Variants in DOCK5 observed in about 807,000 individuals in gnomAD.
DOCK5 encodes the protein dedicator of cytokinesis 5.
In DOCK5, 142 loss-of-function variants were observed where a neutral mutation model predicts 251.8. The observed-to-expected ratio is 0.56, with a 90% CI of 0.49 to 0.65. The LOEUF (loss-of-function observed/expected upper bound fraction) is 0.65. DOCK5 is among the 30% of genes least tolerant of loss of function. The pLI is 0.00. For synonymous variants in DOCK5, 842 were observed against 835.5 expected (o/e 1.01, Z -0.13); for missense variants, 2,111 against 2,312.3 (o/e 0.91, Z 1.79).
intron 1 of DOCK5, among the ~76,000 whole-genome samples, chr8:25,226,272 T>G (rs1802527700): frequency 7.1e-6 from 1 of 140,814 alleles, no homozygotes; most frequent in Non-Finnish European, 1.5e-5. Flanking sequence ...TTTTTTTTTT[T>G]TTTTTTTTGG....
At chr8:25,388,868 G>A in intron 40 of DOCK5, 2 of 525,828 alleles carry the variant, frequency 3.8e-6, no homozygotes, top group Non-Finnish European at 6.9e-6. Context: ...AAGAAGAACT[G>A]GGCTAAGTAT....
intron 18 of DOCK5, among the ~76,000 whole-genome samples, chr8:25,331,149 T>C (rs1032172247): frequency 1.3e-5 from 2 of 151,478 alleles, no homozygotes; most frequent in African/African-American, 4.9e-5. Context: ...TACTAGATAG[T>C]GCTCTGAATA....
chr8:25,305,324 T>C (rs1253858905), intron 11 of DOCK5: 3 of 151,654 alleles, frequency 2.0e-5, no homozygotes, highest in African/African-American at 7.3e-5. Flanking sequence ...TGGAGAAAGT[T>C]AGCTAGCCAT....
intron 1 of DOCK5, among the ~76,000 whole-genome samples, chr8:25,193,137 G>A (rs1416092717): frequency 3.3e-5 from 5 of 152,154 alleles, no homozygotes; most frequent in Admixed American, 2.6e-4. Flanking sequence ...TGAACACTGA[G>A]TTAGTGAATA....
chr8:25,357,651 T>C (rs1800601929), intron 27 of DOCK5, among the ~76,000 whole-genome samples: 1 of 152,152 alleles, frequency 6.6e-6, no homozygotes, highest in South Asian at 2.1e-4. Flanking sequence ...GTGCTGGGAT[T>C]ACAGGTGTGA....
At chr8:25,334,400 A>G (rs1346875990) in intron 21 of DOCK5, among the ~76,000 whole-genome samples, 1 of 152,226 alleles carries the variant, frequency 6.6e-6, no homozygotes, top group Non-Finnish European at 1.5e-5. Context: ...CAGGGCCTTC[A>G]TTCTGGATCA....
Position 25,362,962 on chromosome 8 carries a change from G to A in DOCK5, c.2950-85G>A, listed in dbSNP as rs1800713018. On this transcript the variant is annotated intron_variant, in intron 28 of 51. Transcript: ENST00000276440. Reference sequence around the variant, plus strand: ...GGGGCTAGGAACATCCTGTTCTGAGGTTGTGGTTCTGCTTGTATACACGCC... The same window carrying A: ...GGGGCTAGGAACATCCTGTTCTGAGATTGTGGTTCTGCTTGTATACACGCC... The A allele has an allele frequency of 6.3e-5, 61 of 970,108 alleles. No homozygotes were observed. In the South Asian group the frequency reaches 8.2e-4, roughly 13 times the overall value. 60.1% of individuals were successfully genotyped at this position (970,108 alleles called of 1,614,324 possible).
chr8:25,198,812 AC>A, intron 1 of DOCK5, among the ~76,000 whole-genome samples: 1 of 152,288 alleles, frequency 6.6e-6, no homozygotes, highest in Admixed American at 6.5e-5. Context: ...CTCCTTACTT[AC>A]AACTCTGGAG....
chr8:25,281,818 G>A (rs1454224260), intron 5 of DOCK5, among the ~76,000 whole-genome samples: 1 of 149,260 alleles, frequency 6.7e-6, no homozygotes, highest in Non-Finnish European at 1.5e-5. Context: ...GGCGGAGGTT[G>A]CAGTGAGCCA....
intron 27 of DOCK5, among the ~76,000 whole-genome samples, chr8:25,354,528 C>G (rs1346014293): frequency 6.6e-6 from 1 of 152,126 alleles, no homozygotes; most frequent in Non-Finnish European, 1.5e-5. Flanking sequence ...AGCAGTACTC[C>G]CGCCGTGCTT....
intron 40 of DOCK5, among the ~76,000 whole-genome samples, chr8:25,387,791 C>T (rs1429342587): frequency 2.6e-5 from 4 of 152,180 alleles, no homozygotes; most frequent in South Asian, 2.1e-4. Flanking sequence ...CTTCTCTTTA[C>T]GCTTCCTTAT....
In DOCK5 at chr8:25,392,766, A is replaced by G. The variant is rs751542366; in HGVS notation, c.4441-30A>G. ...CATGTTTTCCTCCTGGGAATTGACC[A>G]ACATTTCATGTTTTCCTTCTTGCCA... On this transcript the variant is annotated intron_variant, in intron 43 of 51. Coordinates refer to ENST00000276440, the MANE Select transcript of DOCK5 (RefSeq NM_024940.8). 5.9e-5 allele frequency: 94 copies of G among 1,587,854 alleles called. 1 individual carries two copies. The highest frequency in any genetic ancestry group is 7.6e-5 in the Non-Finnish European group (88 of 1,159,890).
intron 1 of DOCK5, among the ~76,000 whole-genome samples, chr8:25,221,905 G>A (rs982101247): frequency 2.0e-5 from 3 of 152,114 alleles, no homozygotes; most frequent in Admixed American, 1.3e-4. Context: ...GCATAGTAAC[G>A]CTGATCATAT....
At chr8:25,323,717 C>G (rs1455877455) in intron 16 of DOCK5, 131 bp from the exon 17 acceptor site, 1 of 954,678 alleles carries the variant, frequency 1.0e-6, no homozygotes, top group African/African-American at 1.6e-5. Flanking sequence ...TGGCTTATTG[C>G]AGTTTGCTCA....
chr8:25,317,084 G>A lies in DOCK5; in HGVS notation c.1396G>A (p.Val466Met), dbSNP rs920251075. Reference protein sequence around the residue: ...DKGKKKTPKNVEVTMSVHDEE... With the variant: ...DKGKKKTPKNMEVTMSVHDEE... ...AGGGAAGAAGAAGACGCCAAAGAAT[G>A]TGGAGGTGACGATGTCTGTGCACGA... Residue 466 changes from valine to methionine, a missense_variant, in exon 14 of 52, where the codon GTG (valine) becomes ATG (methionine). This residue lies in a region of DOCK5 where 1,717 missense variants were observed against 1,892.4 expected (regional missense o/e 0.91). Coordinates refer to ENST00000276440, the MANE Select transcript of DOCK5 (RefSeq NM_024940.8). 1 of 1,614,004 alleles carries A rather than the reference G, an allele frequency of 6.2e-7. No individual in the cohort carries two copies. The highest frequency in any genetic ancestry group is 8.5e-7 in the Non-Finnish European group (1 of 1,179,878).
chr8:25,224,026 TTGAA>T (rs1299673932), intron 1 of DOCK5, among the ~76,000 whole-genome samples: 2 of 152,252 alleles, frequency 1.3e-5, no homozygotes, highest in African/African-American at 4.8e-5. Context: ...TTAATATTTG[TTGAA>T]TGAATGAATG....
At chr8:25,398,138 A>G (rs1563230867) in intron 45 of DOCK5, among the ~76,000 whole-genome samples, 1 of 152,316 alleles carries the variant, frequency 6.6e-6, no homozygotes, top group Non-Finnish European at 1.5e-5. Context: ...ACCCTACTAG[A>G]AAAATGAATT....
Position 25,338,582 on chromosome 8 carries a change from G to A in DOCK5, c.2327+2209G>A, listed in dbSNP as rs1204109245. 5.3e-5 allele frequency among the ~76,000 whole-genome samples: 8 copies of A among 152,290 alleles called. No individual in the cohort carries two copies. The East Asian group carries it at 1.2e-3, about 22-fold the overall frequency. On this transcript the variant is annotated intron_variant, in intron 22 of 51. Coordinates refer to ENST00000276440, the MANE Select transcript of DOCK5 (RefSeq NM_024940.8). ...CCTCCTTTCCAGGTGGAAGTGGGCA[G>A]TGTTTTCCCCACACATAATTTATGC...
chr8:25,185,653 C>T (rs1047015841), intron 1 of DOCK5, among the ~76,000 whole-genome samples: 22 of 152,118 alleles, frequency 1.4e-4, no homozygotes, highest in Non-Finnish European at 2.9e-4. Context: ...TGAGTTTCAT[C>T]CTGGAGACGA....
Sources: allele counts gnomAD v4.1 joint callset (sites outside exome capture counted in the v4.1 genomes callset), GRCh38; gene constraint gnomAD v4.1.1; regional missense constraint gnomAD v4.1.1; transcripts MANE v1.5; gene names NCBI Gene and HGNC (gene_info 2026-07-23, HGNC 2026-07-21).